Variants in BABAM2 observed in about 807,000 individuals in gnomAD.
The protein encoded by BABAM2 is BRISC and BRCA1-A complex member 2.
BABAM2 carries 31 observed loss-of-function variants against 54.7 expected under a neutral mutation model. The observed-to-expected ratio is 0.57, with a 90% CI of 0.43 to 0.77. The LOEUF (loss-of-function observed/expected upper bound fraction) is 0.77, where lower values mean the gene tolerates loss of function less well. Among genes scored for constraint, BABAM2 ranks in the 30% least tolerant of loss-of-function variants. The probability of loss-of-function intolerance (pLI) is 0.00; values close to 1 mark genes in which losing one functional copy is unlikely to be tolerated. For missense variants in BABAM2, 364 were observed against 455.8 expected (o/e 0.80, Z 1.83); for synonymous variants, 167 against 162.9 (o/e 1.03, Z -0.19).
chr2:28,084,159 A>G (rs1046233185), intron 6 of BABAM2, among the ~76,000 whole-genome samples: 1 of 152,176 alleles, frequency 6.6e-6, no homozygotes, highest in Non-Finnish European at 1.5e-5. Context: ...GCAACCATAC[A>G]GGATTTTTAT....
chr2:27,905,580 ATAAT>A (rs1435451346), intron 2 of BABAM2, among the ~76,000 whole-genome samples: 1 of 152,214 alleles, frequency 6.6e-6, no homozygotes, highest in Non-Finnish European at 1.5e-5. Flanking sequence ...TATATAATAA[ATAAT>A]ATGTGGTATG....
chr2:28,060,704 AT>A (rs1362793715), intron 6 of BABAM2, among the ~76,000 whole-genome samples: 1 of 152,160 alleles, frequency 6.6e-6, no homozygotes, highest in Non-Finnish European at 1.5e-5. Context: ...AGTAATTAAA[AT>A]TTGATATTTT....
chr2:28,213,849 A>G (rs561901525), intron 7 of BABAM2, among the ~76,000 whole-genome samples: 2 of 152,154 alleles, frequency 1.3e-5, no homozygotes, highest in Non-Finnish European at 2.9e-5. Context: ...TTTTATCTGT[A>G]AAAGGAAACC....
chr2:27,942,071 T>C (rs1361528263), intron 3 of BABAM2, among the ~76,000 whole-genome samples: 1 of 152,182 alleles, frequency 6.6e-6, no homozygotes, highest in Admixed American at 6.5e-5. Flanking sequence ...AACACAGTGC[T>C]TCCCCATCTC....
chr2:27,984,507 G>A (rs939348297), intron 3 of BABAM2, among the ~76,000 whole-genome samples: 4 of 152,056 alleles, frequency 2.6e-5, no homozygotes, highest in African/African-American at 7.2e-5. Context: ...GTGAGAGGAG[G>A]TGGTTGTACT....
chr2:28,241,233 C>T (rs1312969063), intron 8 of BABAM2, 90 bp from the exon 9 acceptor site: 17 of 1,292,216 alleles, frequency 1.3e-5, no homozygotes, highest in Non-Finnish European at 1.7e-5. Flanking sequence ...CTTTACTATT[C>T]TTTCTGCTTC....
intron 5 of BABAM2, among the ~76,000 whole-genome samples, chr2:28,035,569 C>T (rs542127497): frequency 1.3e-5 from 2 of 152,120 alleles, no homozygotes; most frequent in Admixed American, 1.3e-4. Context: ...AAGGAATTGA[C>T]CATATTTGTT....
At chr2:27,953,364 A>G (rs1245220873) in intron 3 of BABAM2, among the ~76,000 whole-genome samples, 1 of 152,008 alleles carries the variant, frequency 6.6e-6, no homozygotes, top group Non-Finnish European at 1.5e-5. Flanking sequence ...TTTACTTTGT[A>G]TAGAGACAGG....
At position 28,338,720 on chromosome 2, in the gene BABAM2, G is replaced by T; in HGVS notation, c.*207G>T. On this transcript the variant is annotated 3_prime_UTR_variant, in exon 12 of 12. Transcript: ENST00000379624. ...CTGGATCCTAGAGCCCTTCACTTCGGGTTACTCCCTCTTTCTTGCCTCTAT... is the reference window on the plus strand; with the variant it reads ...CTGGATCCTAGAGCCCTTCACTTCGTGTTACTCCCTCTTTCTTGCCTCTAT... 1 of 536,752 alleles carries T rather than the reference G, an allele frequency of 1.9e-6. No homozygotes were observed. The highest frequency in any genetic ancestry group is 3.3e-6 in the Non-Finnish European group (1 of 301,460). The allele number at this position is 536,752 out of a possible 1,614,324, so 33.2% of individuals were successfully genotyped here. A position where few individuals can be genotyped will look rare whatever the true frequency, so the allele number is the denominator to read the frequency against.
At chr2:28,209,723 T>C (rs908829122) in intron 7 of BABAM2, among the ~76,000 whole-genome samples, 5 of 152,166 alleles carry the variant, frequency 3.3e-5, no homozygotes, top group African/African-American at 1.2e-4. Flanking sequence ...TTTTCTTAGA[T>C]ATTTGGCCTG....
intron 2 of BABAM2, among the ~76,000 whole-genome samples, chr2:27,915,241 G>C (rs1666879158): frequency 6.6e-6 from 1 of 152,108 alleles, no homozygotes; most frequent in African/African-American, 2.4e-5. Context: ...GTGAAGTAAA[G>C]GGTTTAAGGA....
intron 11 of BABAM2, among the ~76,000 whole-genome samples, chr2:28,310,699 C>T (rs1323353736): frequency 1.3e-5 from 2 of 151,230 alleles, no homozygotes; most frequent in Non-Finnish European, 2.9e-5. Flanking sequence ...ACCTGGGAAA[C>T]ATGGTGAAAC....
At chr2:28,106,060 A>T (rs1478209271) in intron 6 of BABAM2, among the ~76,000 whole-genome samples, 1 of 152,104 alleles carries the variant, frequency 6.6e-6, no homozygotes, top group African/African-American at 2.4e-5. Context: ...TTTGAGACTA[A>T]GTTGCTGGTG....
chr2:28,116,410 G>A (rs1012298341), intron 6 of BABAM2, among the ~76,000 whole-genome samples: 36 of 152,202 alleles, frequency 2.4e-4, no homozygotes, highest in Admixed American at 2.2e-3. Context: ...TAACGCTTGT[G>A]GTTTGTGATG....
intron 6 of BABAM2, among the ~76,000 whole-genome samples, chr2:28,112,917 T>A (rs139899807): frequency 6.6e-6 from 1 of 152,248 alleles, no homozygotes; most frequent in Non-Finnish European, 1.5e-5. Flanking sequence ...TGAGATGGTA[T>A]CTCATTGTGG....
intron 7 of BABAM2, among the ~76,000 whole-genome samples, chr2:28,160,098 G>A (rs537214572): frequency 6.6e-6 from 1 of 152,104 alleles, no homozygotes; most frequent in South Asian, 2.1e-4. Context: ...CCTCCTCCAT[G>A]AGCCTTCCAA....
At chr2:27,893,747 G>A (rs1280352696) in intron 1 of BABAM2, among the ~76,000 whole-genome samples, 2 of 152,110 alleles carry the variant, frequency 1.3e-5, no homozygotes, top group African/African-American at 4.8e-5. Context: ...TGTAATCCCA[G>A]CACTTTGGGA....
In BABAM2 at chr2:28,113,758, G is replaced by A. The variant is rs569628563; in HGVS notation, c.571-15513G>A. ...CTTTGGGCAGTAGGGCCATTTTTACGATATTGATTCTTCCTATCTATGAGC... is the reference window on the plus strand; with the variant it reads ...CTTTGGGCAGTAGGGCCATTTTTACAATATTGATTCTTCCTATCTATGAGC... On this transcript the variant is annotated intron_variant, in intron 6 of 11. Coordinates refer to ENST00000379624, the MANE Select transcript of BABAM2 (RefSeq NM_199191.3). 7.9e-4 allele frequency among the ~76,000 whole-genome samples: 120 copies of A among 152,078 alleles called. 3 individuals are homozygous for A. Among genetic ancestry groups the A allele is most frequent in the Non-Finnish European group, 6.8e-4 (46 of 68,006 alleles).
chr2:28,052,994 C>T (rs1243507304), intron 6 of BABAM2, among the ~76,000 whole-genome samples: 1 of 152,144 alleles, frequency 6.6e-6, no homozygotes, highest in Non-Finnish European at 1.5e-5. Flanking sequence ...GCTTGAAGCC[C>T]ATTTAGCATT....
Sources: allele counts gnomAD v4.1 joint callset (sites outside exome capture counted in the v4.1 genomes callset), GRCh38; gene constraint gnomAD v4.1.1; transcripts MANE v1.5; gene names NCBI Gene and HGNC (gene_info 2026-07-23, HGNC 2026-07-21).